CBX1: variants seen among roughly 807,000 people sequenced by gnomAD.
The protein encoded by CBX1 is chromobox 1, also known as chromobox protein homolog 1.
CBX1 carries 10 observed loss-of-function variants against 25.1 expected under a neutral mutation model. The observed-to-expected ratio is 0.40, with a 90% CI of 0.25 to 0.68. The LOEUF is 0.68. Among genes scored for constraint, CBX1 ranks in the 30% least tolerant of loss-of-function variants. The pLI, the probability that CBX1 is intolerant of heterozygous loss-of-function variation, is 0.40. For missense variants in CBX1, 106 were observed against 218.5 expected (o/e 0.49, Z 3.25); for synonymous variants, 63 against 79.4 (o/e 0.79, Z 1.10).
chr17:48,089,649 G>T (rs28699407), intron 1 of CBX1, among the ~76,000 whole-genome samples: 1,741 of 100,904 alleles, frequency 0.017, no homozygotes, highest in Admixed American at 0.023. Flanking sequence ...CATGGTGAGA[G>T]CCCATCCCTA....
Position 48,091,983 on chromosome 17 carries a change from C to CTTTT in CBX1, c.-38+9281_-38+9284dup, listed in dbSNP as rs56277117. 2.4e-3 allele frequency among the ~76,000 whole-genome samples: 151 copies of CTTTT among 62,934 alleles called. 1 individual carries two copies. The highest frequency in any genetic ancestry group is 0.017 in the Middle Eastern group (1 of 58). The allele number at this position is 62,934 out of a possible 152,430, so 41.3% of individuals were successfully genotyped here. ...CGTGAGCCACCATGCCCAGCCAGATCTTTTTTTTTTTTTTTTTTTTTTTTG... is the reference window on the plus strand; with the variant it reads ...CGTGAGCCACCATGCCCAGCCAGATCTTTTTTTTTTTTTTTTTTTTTTTTTTTTG... On this transcript the variant is annotated intron_variant, in intron 1 of 4. Coordinates refer to ENST00000225603, the MANE Select transcript of CBX1 (RefSeq NM_001127228.2).
intron 4 of CBX1, among the ~76,000 whole-genome samples, chr17:48,073,005 C>T (rs1381226508): frequency 6.6e-6 from 1 of 151,908 alleles, no homozygotes; most frequent in African/African-American, 2.4e-5. Flanking sequence ...GCCTGTAATC[C>T]CAACTATTCG....
chr17:48,087,201 AG>A (rs1263441934), intron 1 of CBX1, among the ~76,000 whole-genome samples: 2 of 137,470 alleles, frequency 1.5e-5, no homozygotes, highest in South Asian at 2.4e-4. Flanking sequence ...AAAAAAAAAA[AG>A]AAAAGAATTC....
At chr17:48,079,460 T>C (rs1312994017) in intron 1 of CBX1, among the ~76,000 whole-genome samples, 2 of 152,214 alleles carry the variant, frequency 1.3e-5, no homozygotes, top group Non-Finnish European at 2.9e-5. Flanking sequence ...GATTCACAAA[T>C]TTCTTGTTAA....
Position 48,076,765 on chromosome 17 carries a change from T to C in CBX1, c.140+100A>G, listed in dbSNP as rs1210467232. 118 of 1,028,182 alleles carry C rather than the reference T, an allele frequency of 1.1e-4. No individual in the cohort carries two copies. In the East Asian group the frequency reaches 3.0e-3, roughly 26 times the overall value. The allele number at this position is 1,028,182 out of a possible 1,614,324, so 63.7% of individuals were successfully genotyped here. A position where few individuals can be genotyped will look rare whatever the true frequency, so the allele number is the denominator to read the frequency against. On this transcript the variant is annotated intron_variant, in intron 2 of 4. Coordinates refer to ENST00000225603, the MANE Select transcript of CBX1 (RefSeq NM_001127228.2). Reference sequence around the variant, plus strand: ...AACAATAAGCCATGAAGGTGGGGACTGAGTCACACTGTATCCATCATAGCA... The same window carrying C: ...AACAATAAGCCATGAAGGTGGGGACCGAGTCACACTGTATCCATCATAGCA...
chr17:48,096,473 T>C (rs187340274), intron 1 of CBX1: 1 of 693,548 alleles, frequency 1.4e-6, no homozygotes, highest in East Asian at 1.3e-4. Flanking sequence ...ATTGGAAACG[T>C]ATCAGAACAC....
intron 1 of CBX1, among the ~76,000 whole-genome samples, chr17:48,098,897 A>T (rs888081016): frequency 1.3e-5 from 2 of 152,188 alleles, no homozygotes; most frequent in African/African-American, 4.8e-5. Context: ...AATTATTTTC[A>T]AATGGTGTGA....
chr17:48,077,062 A>G (rs1598304573), intron 1 of CBX1, 21 bp from the exon 2 acceptor site: 1 of 1,566,076 alleles, frequency 6.4e-7, no homozygotes, highest in East Asian at 2.2e-5. Flanking sequence ...AAATGAAATA[A>G]AAAGGGCATT....
At chr17:48,087,902 AAAG>A (rs934638944) in intron 1 of CBX1, among the ~76,000 whole-genome samples, 5 of 151,978 alleles carry the variant, frequency 3.3e-5, no homozygotes, top group African/African-American at 1.2e-4. Flanking sequence ...AAAACAGAAA[AAAG>A]AAGAAATACA....
rs1276919337 is a variant in CBX1 at position 48,073,142 on chromosome 17, C to CT, written c.414-1564dup. Among the ~76,000 whole-genome samples the CT allele has an allele frequency of 6.6e-5, 10 of 151,764 alleles. No individual in the cohort carries two copies. In the South Asian group the frequency reaches 1.0e-3, roughly 16 times the overall value. ...GTCTCATTTAAAAAAAAAACAAACT[C>CT]TTATCTTCAGGTTATTAGGAATGTC... On this transcript the variant is annotated intron_variant, in intron 4 of 4. Transcript: ENST00000225603.
At chr17:48,087,099 G>C (rs2063316169) in intron 1 of CBX1, among the ~76,000 whole-genome samples, 1 of 151,098 alleles carries the variant, frequency 6.6e-6, no homozygotes, top group Non-Finnish European at 1.5e-5. Flanking sequence ...TGAGGCAGGA[G>C]AATCAGTTGA....
At chr17:48,094,234 G>C (rs2063360245) in intron 1 of CBX1, among the ~76,000 whole-genome samples, 1 of 151,134 alleles carries the variant, frequency 6.6e-6, no homozygotes. Flanking sequence ...AGGAGTTCAA[G>C]ATCAGCCTGG....
At chr17:48,084,321 C>G (rs933550287) in intron 1 of CBX1, among the ~76,000 whole-genome samples, 1 of 142,222 alleles carries the variant, frequency 7.0e-6, no homozygotes, top group Non-Finnish European at 1.5e-5. Context: ...TCAAGCGATT[C>G]TCCTGCCTCA....
intron 1 of CBX1, among the ~76,000 whole-genome samples, chr17:48,092,464 C>CTTTTTTTTT (rs1567769459): frequency 6.8e-6 from 1 of 147,576 alleles, no homozygotes. Context: ...CTCTCTCTCT[C>CTTTTTTTTT]TCTCTTTTTT....
intron 1 of CBX1, among the ~76,000 whole-genome samples, chr17:48,097,425 GC>G: frequency 6.6e-6 from 1 of 152,138 alleles, no homozygotes; most frequent in East Asian, 1.9e-4. Flanking sequence ...CACCAGCCTG[GC>G]CAACATGGCA....
chr17:48,073,015 G>A (rs1054763005), intron 4 of CBX1, among the ~76,000 whole-genome samples: 37 of 152,050 alleles, frequency 2.4e-4, no homozygotes, highest in African/African-American at 7.7e-4. Flanking sequence ...CCAACTATTC[G>A]GGAGGCTGAG....
rs2037618180 is a variant in CBX1 at position 48,070,816 on chromosome 17, GTCTC to G, written c.*615_*618del. Reference sequence around the variant, plus strand: ...TTCAGACTTTCACAGCTTTTAAACAGTCTCTCACAGTCCTTATTTATGGTGCCAA... The same window carrying G: ...TTCAGACTTTCACAGCTTTTAAACAGTCACAGTCCTTATTTATGGTGCCAA... On this transcript the variant is annotated 3_prime_UTR_variant, in exon 5 of 5. Coordinates refer to ENST00000225603, the MANE Select transcript of CBX1 (RefSeq NM_001127228.2). 6.6e-6 allele frequency: 1 copy of G among 152,640 alleles called. No homozygotes were observed. The allele number at this position is 152,640 out of a possible 1,614,324, so 9.5% of individuals were successfully genotyped here. A position where few individuals can be genotyped will look rare whatever the true frequency, so the allele number is the denominator to read the frequency against.
intron 1 of CBX1, among the ~76,000 whole-genome samples, chr17:48,078,624 G>A (rs914553995): frequency 1.3e-5 from 2 of 151,084 alleles, no homozygotes; most frequent in Admixed American, 1.3e-4. Context: ...CGAGTAGTTG[G>A]TTTTACAGGT....
intron 1 of CBX1, among the ~76,000 whole-genome samples, chr17:48,080,980 ATATATATATATAT>A (rs2037732203): frequency 1.2e-5 from 1 of 85,728 alleles, no homozygotes; most frequent in African/African-American, 5.5e-5. Context: ...ATATATATAT[ATATATATATATAT>A]AAAATTTGTC....
Sources: allele counts gnomAD v4.1 joint callset (sites outside exome capture counted in the v4.1 genomes callset), GRCh38; gene constraint gnomAD v4.1.1; transcripts MANE v1.5; gene names NCBI Gene and HGNC (gene_info 2026-07-23, HGNC 2026-07-21).